Variants in ALK observed in about 807,000 individuals in gnomAD.
ALK encodes ALK tyrosine kinase receptor.
ALK carries 74 observed loss-of-function variants against 163.1 expected under a neutral mutation model. The ratio of observed to expected loss-of-function variants is 0.45; its 90% CI spans 0.38 to 0.55. ALK has a LOEUF of 0.55. Among genes scored for constraint, ALK ranks in the 20% least tolerant of loss-of-function variants. The pLI is 0.00. For missense variants in ALK, 2,063 were observed against 2,105.3 expected (o/e 0.98, Z 0.39); for synonymous variants, 960 against 843.2 (o/e 1.14, Z -2.40).
At chr2:29,673,672 G>A (rs1192190803) in intron 3 of ALK, among the ~76,000 whole-genome samples, 1 of 151,018 alleles carries the variant, frequency 6.6e-6, no homozygotes, top group Non-Finnish European at 1.5e-5. Context: ...CTCTTTTTTG[G>A]TTCCATATGA....
chr2:29,682,413 G>C (rs966606167), intron 3 of ALK, among the ~76,000 whole-genome samples: 25 of 152,048 alleles, frequency 1.6e-4, no homozygotes, highest in Admixed American at 1.1e-3. Context: ...CTATTTTACA[G>C]TTAAAGGCTC....
chr2:29,228,933 T>TC lies in ALK; in HGVS notation c.2765dup (p.Gly923ArgfsTer25). 1.2e-5 allele frequency: 6 copies of TC among 501,344 alleles called. No homozygotes were observed. The highest frequency in any genetic ancestry group is 4.6e-5 in the East Asian group (1 of 21,596). 31.1% of individuals were successfully genotyped at this position (501,344 alleles called of 1,614,324 possible). A position where few individuals can be genotyped will look rare whatever the true frequency, so the allele number is the denominator to read the frequency against. ...CTGAGGAGCACCCCCCTCCACCCCC[T>TC]CCGAAACCCCCTCTTGTCTCCCACC... On this transcript the variant is annotated frameshift_variant, in exon 16 of 29. Coordinates refer to ENST00000389048, the MANE Select transcript of ALK (RefSeq NM_004304.5). LOFTEE classifies it high-confidence loss of function.
intron 1 of ALK, among the ~76,000 whole-genome samples, chr2:29,795,368 A>T (rs1186498140): frequency 6.6e-6 from 1 of 152,230 alleles, no homozygotes; most frequent in East Asian, 1.9e-4. Context: ...TTCTAGTGGG[A>T]GTATAAATTG....
chr2:29,599,222 G>A (rs1396974024), intron 3 of ALK, among the ~76,000 whole-genome samples: 1 of 151,402 alleles, frequency 6.6e-6, no homozygotes, highest in African/African-American at 2.4e-5. Flanking sequence ...CTGTCCTAGA[G>A]GAGTACTATG....
At chr2:29,481,647 T>G (rs1671661667) in intron 4 of ALK, among the ~76,000 whole-genome samples, 1 of 152,228 alleles carries the variant, frequency 6.6e-6, no homozygotes, top group Non-Finnish European at 1.5e-5. Flanking sequence ...ACATCATCAC[T>G]AAAGTCTTTT....
chr2:29,527,432 G>T (rs1672986110), intron 4 of ALK, among the ~76,000 whole-genome samples: 1 of 152,118 alleles, frequency 6.6e-6, no homozygotes, highest in Non-Finnish European at 1.5e-5. Context: ...ATGCAGCTGG[G>T]CAGCTGGGAA....
At chr2:29,230,878 A>G (rs1458780475) in intron 15 of ALK, among the ~76,000 whole-genome samples, 1 of 152,174 alleles carries the variant, frequency 6.6e-6, no homozygotes, top group Non-Finnish European at 1.5e-5. Flanking sequence ...GCGCGTAATA[A>G]ATAAATCAGA....
At chr2:29,851,260 G>A (rs1665983219) in intron 1 of ALK, among the ~76,000 whole-genome samples, 1 of 152,158 alleles carries the variant, frequency 6.6e-6, no homozygotes, top group South Asian at 2.1e-4. Flanking sequence ...CAATTGACCA[G>A]AGCATAAACT....
chr2:29,323,700 A>G (rs1321939576), intron 6 of ALK, among the ~76,000 whole-genome samples: 1 of 152,216 alleles, frequency 6.6e-6, no homozygotes, highest in East Asian at 1.9e-4. Flanking sequence ...GAGTCGGAAC[A>G]AAGACCCCTG....
chr2:29,797,116 A>G (rs1664337316), intron 1 of ALK, among the ~76,000 whole-genome samples: 1 of 152,132 alleles, frequency 6.6e-6, no homozygotes, highest in Non-Finnish European at 1.5e-5. Flanking sequence ...ATAGAAACAA[A>G]CAATACTATC....
intron 4 of ALK, among the ~76,000 whole-genome samples, chr2:29,526,730 G>T (rs1033387992): frequency 6.6e-5 from 10 of 152,240 alleles, no homozygotes; most frequent in African/African-American, 2.4e-4. Context: ...CATGGAGGCT[G>T]AATGCCACAG....
intron 1 of ALK, among the ~76,000 whole-genome samples, chr2:29,814,400 C>T (rs962732484): frequency 4.0e-5 from 6 of 151,678 alleles, no homozygotes; most frequent in African/African-American, 1.5e-4. Flanking sequence ...GTGGCTCACA[C>T]CTGTAATCCC....
chr2:29,680,731 A>G (rs1011437823), intron 3 of ALK, among the ~76,000 whole-genome samples: 16 of 152,030 alleles, frequency 1.1e-4, no homozygotes, highest in Admixed American at 2.0e-4. Context: ...TTGTTTTCTT[A>G]TGAGTCACAT....
At chr2:29,337,897 C>T (rs1667671089) in intron 5 of ALK, among the ~76,000 whole-genome samples, 1 of 152,202 alleles carries the variant, frequency 6.6e-6, no homozygotes, top group African/African-American at 2.4e-5. Context: ...GCTCCAGCCC[C>T]CATCTTCTAC....
chr2:29,818,511 G>A (rs1664958399), intron 1 of ALK, among the ~76,000 whole-genome samples: 1 of 152,234 alleles, frequency 6.6e-6, no homozygotes, highest in Admixed American at 6.5e-5. Context: ...TGGGAACAGC[G>A]CGCAGGTTTT....
chr2:29,808,708 G>T (rs1664678921), intron 1 of ALK, among the ~76,000 whole-genome samples: 1 of 152,182 alleles, frequency 6.6e-6, no homozygotes. Flanking sequence ...GCCTTCTGGT[G>T]GCTGATCACT....
At chr2:29,298,089 A>G (rs1436326477) in intron 8 of ALK, among the ~76,000 whole-genome samples, 3 of 152,238 alleles carry the variant, frequency 2.0e-5, no homozygotes, top group African/African-American at 7.2e-5. Flanking sequence ...GAAGAGGTTA[A>G]GAACCATGAC....
chr2:29,512,852 C>T (rs1371865048), intron 4 of ALK, among the ~76,000 whole-genome samples: 1 of 151,074 alleles, frequency 6.6e-6, no homozygotes, highest in African/African-American at 2.4e-5. Flanking sequence ...TACACACCAA[C>T]AACAGACAAA....
chr2:29,736,777 C>T (rs959565175), intron 1 of ALK, among the ~76,000 whole-genome samples: 2 of 151,888 alleles, frequency 1.3e-5, no homozygotes, highest in East Asian at 1.9e-4. Flanking sequence ...GAATTTGTAG[C>T]GATAACTGAT....
Sources: gnomAD v4.1 joint callset for allele counts (sites outside exome capture counted in the v4.1 genomes callset) on GRCh38, gnomAD v4.1.1 for gene constraint, MANE v1.5 for transcripts, NCBI Gene and HGNC (gene_info 2026-07-23, HGNC 2026-07-21) for gene names.